The following LNX2 variants were observed in gnomAD, a reference collection of about 807,000 sequenced individuals.
LNX2 encodes ligand of numb-protein X 2, also known as ligand of Numb protein X 2.
A neutral mutation model predicts 66.2 loss-of-function variants in LNX2; 35 were observed. The ratio of observed to expected loss-of-function variants is 0.53; its 90% CI spans 0.40 to 0.70. LNX2 has a LOEUF of 0.70. LNX2 is among the 30% of genes least tolerant of loss of function. The probability of loss-of-function intolerance (pLI) is 0.00; values close to 1 mark genes in which losing one functional copy is unlikely to be tolerated. For synonymous variants in LNX2, 337 were observed against 315.6 expected (o/e 1.07, Z -0.72); for missense variants, 791 against 850.8 (o/e 0.93, Z 0.87).
chr13:27,612,521 A>G (rs942203107), intron 1 of LNX2, among the ~76,000 whole-genome samples: 1 of 152,260 alleles, frequency 6.6e-6, no homozygotes, highest in African/African-American at 2.4e-5. Flanking sequence ...ATCATCCAAC[A>G]GAAAGATCAC....
intron 2 of LNX2, among the ~76,000 whole-genome samples, chr13:27,575,872 A>G (rs1322718797): frequency 6.6e-6 from 1 of 152,220 alleles, no homozygotes; most frequent in Non-Finnish European, 1.5e-5. Flanking sequence ...ATGACACGGG[A>G]ATTAAAATAG....
At chr13:27,573,042 T>C (rs1414034364) in intron 2 of LNX2, among the ~76,000 whole-genome samples, 2 of 152,188 alleles carry the variant, frequency 1.3e-5, no homozygotes, top group African/African-American at 4.8e-5. Flanking sequence ...TTCTGAAGTG[T>C]GGAAATTAGC....
intron 1 of LNX2, among the ~76,000 whole-genome samples, chr13:27,600,265 T>A (rs1384332557): frequency 6.6e-6 from 1 of 152,226 alleles, no homozygotes; most frequent in Non-Finnish European, 1.5e-5. Context: ...AAAAACAGTG[T>A]ACATTTTATA....
intron 1 of LNX2, among the ~76,000 whole-genome samples, chr13:27,598,204 T>TTA (rs1555269521): frequency 5.0e-5 from 7 of 138,920 alleles, no homozygotes; most frequent in Admixed American, 1.4e-4. Flanking sequence ...CAGCACTGTT[T>TTA]AAAAAAAAAA....
At chr13:27,553,491 T>C in intron 7 of LNX2, 52 bp from the exon 8 acceptor site, 1 of 1,377,548 alleles carries the variant, frequency 7.3e-7, no homozygotes, top group Non-Finnish European at 1.0e-6. Context: ...AGTTTTCACC[T>C]GCAAATCTTG....
rs370674880 is a variant in LNX2 at position 27,555,259 on chromosome 13, T to C, written c.1546+977A>G. On this transcript the variant is annotated intron_variant, in intron 7 of 9. Coordinates refer to ENST00000316334, the MANE Select transcript of LNX2 (RefSeq NM_153371.4). ...CCACCACACCCAGCCTGAGCATCTT[T>C]TCATGGGAAAACTGGCCATTTATTT... Among the ~76,000 whole-genome samples, 17 of 152,350 alleles carry C rather than the reference T, an allele frequency of 1.1e-4. No individual in the cohort carries two copies. The East Asian group carries it at 3.1e-3, about 28-fold the overall frequency.
chr13:27,610,799 A>C (rs1307350899), intron 1 of LNX2, among the ~76,000 whole-genome samples: 1 of 152,228 alleles, frequency 6.6e-6, no homozygotes, highest in Non-Finnish European at 1.5e-5. Context: ...AAAACAGGCC[A>C]AGGATGTGAA....
intron 1 of LNX2, among the ~76,000 whole-genome samples, chr13:27,611,283 T>C (rs910673674): frequency 7.2e-5 from 11 of 152,212 alleles, no homozygotes; most frequent in Admixed American, 6.5e-4. Flanking sequence ...AGGAAGGAAA[T>C]TCTGTCACAT....
At chr13:27,612,885 A>G (rs564921093) in intron 1 of LNX2, among the ~76,000 whole-genome samples, 2 of 152,268 alleles carry the variant, frequency 1.3e-5, no homozygotes. Context: ...ATTATTTTTA[A>G]TATTTTATTT....
chr13:27,586,110 T>C (rs967077718), intron 1 of LNX2, among the ~76,000 whole-genome samples: 1 of 149,292 alleles, frequency 6.7e-6, no homozygotes, highest in African/African-American at 2.5e-5. Flanking sequence ...AGTTCAGATA[T>C]ATATACGTAT....
In LNX2 at chr13:27,579,906, A is replaced by G. The variant is rs78043863; in HGVS notation, c.407+1391T>C. On this transcript the variant is annotated intron_variant, in intron 2 of 9. Coordinates refer to ENST00000316334, the MANE Select transcript of LNX2 (RefSeq NM_153371.4). ...TCTATGCTTGCTGGTTACAGAAGAT[A>G]TAAAAAAATGCAATGCTACATTATT... Among the ~76,000 whole-genome samples, 25 of 152,338 alleles carry G rather than the reference A, an allele frequency of 1.6e-4. No individual in the cohort carries two copies. The East Asian group carries it at 4.8e-3, about 29-fold the overall frequency.
intron 2 of LNX2, among the ~76,000 whole-genome samples, chr13:27,579,917 C>T (rs1955379531): frequency 1.3e-5 from 2 of 152,152 alleles, no homozygotes; most frequent in African/African-American, 4.8e-5. Flanking sequence ...TAAAAAAATG[C>T]AATGCTACAT....
chr13:27,606,584 G>C (rs1031075804), intron 1 of LNX2, among the ~76,000 whole-genome samples: 2 of 152,132 alleles, frequency 1.3e-5, no homozygotes, highest in African/African-American at 4.8e-5. Flanking sequence ...TCAAGGTACA[G>C]AACAGTATGA....
chr13:27,576,467 A>C (rs775046420), intron 2 of LNX2, among the ~76,000 whole-genome samples: 12 of 152,006 alleles, frequency 7.9e-5, no homozygotes, highest in Non-Finnish European at 1.6e-4. Flanking sequence ...CTGTAATCCT[A>C]GCTCTTCGGG....
In LNX2 at chr13:27,548,270, C is replaced by A; in HGVS notation, c.*65G>T. The A allele has an allele frequency of 6.5e-7, 1 of 1,533,200 alleles. No homozygotes were observed. Among genetic ancestry groups the A allele is most frequent in the South Asian group, 1.2e-5 (1 of 82,826 alleles). The allele number at this position is 1,533,200 out of a possible 1,614,324, so 95.0% of individuals were successfully genotyped here. On this transcript the variant is annotated 3_prime_UTR_variant, in exon 10 of 10. Transcript: ENST00000316334. ...CTCCTAAACCACAAACACAATGAAA[C>A]CAAAGGGTTTTCTTTCAAAAATCTA... is the stretch of plus-strand genomic sequence containing the variant.
chr13:27,562,426 G>A lies in LNX2; in HGVS notation c.1211C>T (p.Ala404Val). The A allele has an allele frequency of 6.2e-7, 1 of 1,613,420 alleles. No homozygotes were observed. Among genetic ancestry groups the A allele is most frequent in the Non-Finnish European group, 8.5e-7 (1 of 1,179,614 alleles). The change falls in exon 5 of 10, where the codon GCC becomes GTC. Residue 404 changes from alanine to valine, a missense_variant. Transcript: ENST00000316334. ...AAGAGGGTTTACCTGAATAATCTGG[G>A]CAGCAAGCTCCGGAGTTCCATACTT... is the stretch of plus-strand genomic sequence containing the variant. ...DLKYGTPELA[A>V]QIIQASGERV...
chr13:27,574,613 GGAGA>G (rs936409375), intron 2 of LNX2, among the ~76,000 whole-genome samples: 22 of 151,776 alleles, frequency 1.4e-4, no homozygotes, highest in African/African-American at 5.3e-4. Context: ...AGTTCCAAAA[GGAGA>G]GAGAGTGAAA....
intron 5 of LNX2, among the ~76,000 whole-genome samples, chr13:27,560,498 C>T (rs1303367934): frequency 1.3e-5 from 2 of 148,790 alleles, no homozygotes; most frequent in Non-Finnish European, 3.0e-5. Context: ...AGTAGGATAT[C>T]GGCTTCAACA....
intron 3 of LNX2, 42 bp downstream of exon 3, chr13:27,568,987 G>A: frequency 6.5e-7 from 1 of 1,538,928 alleles, no homozygotes. Context: ...TGGGAAGAAA[G>A]GAAATAGAGA....
Sources: gnomAD v4.1 joint callset for allele counts (sites outside exome capture counted in the v4.1 genomes callset) on GRCh38, gnomAD v4.1.1 for gene constraint, MANE v1.5 for transcripts, NCBI Gene and HGNC (gene_info 2026-07-23, HGNC 2026-07-21) for gene names.